MAT1A: variants seen among roughly 807,000 people sequenced by gnomAD.
The protein encoded by MAT1A is methionine adenosyltransferase 1A.
In MAT1A, 19 loss-of-function variants were observed where a neutral mutation model predicts 44.0. The ratio of observed to expected loss-of-function variants is 0.43; its 90% CI spans 0.30 to 0.63. MAT1A has a LOEUF of 0.63. Among genes scored for constraint, MAT1A ranks in the 30% least tolerant of loss-of-function variants. MAT1A has a pLI of 0.12. For missense variants in MAT1A, 397 were observed against 531.0 expected, an observed-to-expected ratio of 0.75 and a Z score of 2.48; for synonymous variants, 205 against 205.6, an observed-to-expected ratio of 1.00 and a Z score of 0.03.
At chr10:80,277,701 G>A (rs889261390) in intron 5 of MAT1A, among the ~76,000 whole-genome samples, 35 of 152,162 alleles carry the variant, frequency 2.3e-4, no homozygotes, top group Non-Finnish European at 3.5e-4. Flanking sequence ...TGCTCAGGCC[G>A]TCTCCACTGC....
At chr10:80,276,735 G>A (rs1841491478) in intron 5 of MAT1A, 141 bp from the exon 6 acceptor site, 4 of 805,496 alleles carry the variant, frequency 5.0e-6, no homozygotes, top group Non-Finnish European at 8.6e-6. Context: ...GGTGTTGGGG[G>A]AGTTAATCTG....
At chr10:80,276,093 C>T (rs966117847) in intron 6 of MAT1A, among the ~76,000 whole-genome samples, 16 of 152,114 alleles carry the variant, frequency 1.1e-4, no homozygotes, top group Non-Finnish European at 2.1e-4. Flanking sequence ...TGGGTAAGGT[C>T]GATGGTCACT....
chr10:80,287,152 C>T (rs1841660257), intron 1 of MAT1A, among the ~76,000 whole-genome samples: 1 of 152,220 alleles, frequency 6.6e-6, no homozygotes, highest in Non-Finnish European at 1.5e-5. Flanking sequence ...ATGTCTCTGC[C>T]TGTGCAGACA....
rs1469557313 is a variant in MAT1A at position 80,272,696 on chromosome 10, C to T, written c.*1085G>A. 2 of 152,306 alleles carry T rather than the reference C, an allele frequency of 1.3e-5. No individual in the cohort carries two copies. The highest frequency in any genetic ancestry group is 2.9e-5 in the Non-Finnish European group (2 of 68,156). 9.4% of individuals were successfully genotyped at this position (152,306 alleles called of 1,614,324 possible). On this transcript the variant is annotated 3_prime_UTR_variant, in exon 9 of 9. Coordinates refer to ENST00000372213, the MANE Select transcript of MAT1A (RefSeq NM_000429.3). ...TCTGCTCCAGGAAGCCCAGATAGGA[C>T]TGGACTGGACTTAGACCACTTACCC...
intron 5 of MAT1A, among the ~76,000 whole-genome samples, chr10:80,279,084 C>T (rs990489376): frequency 1.3e-5 from 2 of 152,170 alleles, no homozygotes; most frequent in African/African-American, 4.8e-5. Flanking sequence ...TGGATTTCCC[C>T]CTTCCCCTTG....
At chr10:80,286,424 C>A (rs1315365836) in intron 1 of MAT1A, among the ~76,000 whole-genome samples, 2 of 152,058 alleles carry the variant, frequency 1.3e-5, no homozygotes, top group Non-Finnish European at 2.9e-5. Flanking sequence ...TACAAGATAA[C>A]CCCTATACAT....
At chr10:80,275,587 C>T (rs1457980319) in intron 6 of MAT1A, 1 of 327,614 alleles carries the variant, frequency 3.1e-6, no homozygotes, top group Non-Finnish European at 5.9e-6. Context: ...GCCCACTTCC[C>T]AAGTGTCCTC....
intron 8 of MAT1A, 126 bp from the exon 9 acceptor site, chr10:80,274,009 C>T: frequency 1.3e-6 from 1 of 756,410 alleles, no homozygotes; most frequent in East Asian, 2.6e-5. Flanking sequence ...ACTACGCCTC[C>T]CCACCGCAGT....
At chr10:80,282,307 A>G (rs1017336229) in intron 3 of MAT1A, among the ~76,000 whole-genome samples, 9 of 152,312 alleles carry the variant, frequency 5.9e-5, no homozygotes, top group Non-Finnish European at 1.2e-4. Flanking sequence ...CGCAGCCAGG[A>G]GCAACGAGGA....
At chr10:80,285,480 T>G in intron 2 of MAT1A, 32 bp downstream of exon 2, 1 of 1,592,194 alleles carries the variant, frequency 6.3e-7, no homozygotes, top group Non-Finnish European at 8.6e-7. Context: ...CCCACTTAGG[T>G]CTCCAGCAGG....
In MAT1A at chr10:80,273,569, G is replaced by A. The variant is rs1048912832; in HGVS notation, c.*212C>T. Reference sequence around the variant, plus strand: ...TGAGGGAGCAGCAGGAGAACACCATGCCCATCCTTACATCAAGATCCAACC... The same window carrying A: ...TGAGGGAGCAGCAGGAGAACACCATACCCATCCTTACATCAAGATCCAACC... On this transcript the variant is annotated 3_prime_UTR_variant, in exon 9 of 9. Coordinates refer to ENST00000372213, the MANE Select transcript of MAT1A (RefSeq NM_000429.3). 1.7e-6 allele frequency: 1 copy of A among 587,834 alleles called. No individual in the cohort carries two copies. The highest frequency in any genetic ancestry group is 2.9e-5 in the Admixed American group (1 of 35,064). 36.4% of individuals were successfully genotyped at this position (587,834 alleles called of 1,614,324 possible).
chr10:80,284,119 G>A (rs1299976798), intron 2 of MAT1A, 81 bp from the exon 3 acceptor site: 32 of 1,562,594 alleles, frequency 2.0e-5, no homozygotes, highest in Non-Finnish European at 2.5e-5. Flanking sequence ...CTCTCACAGT[G>A]CAGACAGAAA....
intron 2 of MAT1A, among the ~76,000 whole-genome samples, chr10:80,284,312 T>C (rs533147217): frequency 3.3e-5 from 5 of 152,220 alleles, no homozygotes; most frequent in African/African-American, 1.2e-4. Flanking sequence ...CTCATCTATT[T>C]AATAAAGCTA....
In MAT1A at chr10:80,280,222, A is replaced by G; in HGVS notation, c.500T>C (p.Leu167Pro). The G allele has an allele frequency of 1.2e-6, 2 of 1,614,056 alleles. No homozygotes were observed. Among genetic ancestry groups the G allele is most frequent in the South Asian group, 2.2e-5 (2 of 91,062 alleles). Residue 167 changes from leucine (L) to proline (P), a missense_variant, in exon 5 of 9, where the codon CTC becomes CCC. Coordinates refer to ENST00000372213, the MANE Select transcript of MAT1A (RefSeq NM_000429.3). Reference protein sequence around the residue: ...AHKLNARMADLRRSGLLPWLR... With the variant: ...AHKLNARMADPRRSGLLPWLR... ...CCAGGGGAGGAGGCCGGAGCGCCTG[A>G]GGTCTGCCATCCGGGCGTTGAGCTT...
intron 6 of MAT1A, 46 bp downstream of exon 6, chr10:80,276,330 C>T (rs768642050): frequency 6.3e-7 from 1 of 1,594,480 alleles, no homozygotes. Context: ...TAAGCAACCC[C>T]AGTAACAAAG....
chr10:80,286,859 G>A (rs1819684), intron 1 of MAT1A, among the ~76,000 whole-genome samples: 5 of 152,160 alleles, frequency 3.3e-5, no homozygotes, highest in African/African-American at 7.2e-5. Context: ...GTTAAATTCT[G>A]TAATTAAAGA....
chr10:80,278,296 C>A (rs1309362679), intron 5 of MAT1A, among the ~76,000 whole-genome samples: 1 of 151,754 alleles, frequency 6.6e-6, no homozygotes, highest in East Asian at 1.9e-4. Context: ...ACCTAGAAAC[C>A]TTCTATTTCA....
chr10:80,280,844 C>G (rs1430441016), intron 3 of MAT1A, 52 bp from the exon 4 acceptor site: 2 of 1,293,114 alleles, frequency 1.5e-6, no homozygotes, highest in Non-Finnish European at 2.3e-6. Context: ...AAGGAGGGGG[C>G]CACAAACTTC....
At chr10:80,288,379 G>A (rs1841676687) in intron 1 of MAT1A, among the ~76,000 whole-genome samples, 1 of 152,120 alleles carries the variant, frequency 6.6e-6, no homozygotes, top group African/African-American at 2.4e-5. Flanking sequence ...CTGGAGGGTG[G>A]GGCCCAGCCC....
Sources: allele counts gnomAD v4.1 joint callset (sites outside exome capture counted in the v4.1 genomes callset), GRCh38; gene constraint gnomAD v4.1.1; transcripts MANE v1.5; gene names NCBI Gene and HGNC (gene_info 2026-07-23, HGNC 2026-07-21).